Variants in MGAT5 observed in about 807,000 individuals in gnomAD.
MGAT5 encodes the protein alpha-1,6-mannosylglycoprotein 6-beta-N-acetylglucosaminyltransferase.
Under a neutral mutation model 94.3 loss-of-function variants are expected in MGAT5, and 30 were observed. The observed-to-expected ratio is 0.32, with a 90% CI of 0.24 to 0.43. MGAT5 has a LOEUF of 0.43. MGAT5 is among the 20% of genes least tolerant of loss of function. The pLI is 1.00. For synonymous variants in MGAT5, 310 were observed against 322.9 expected, an observed-to-expected ratio of 0.96 and a Z score of 0.43; for missense variants, 691 against 905.5, an observed-to-expected ratio of 0.76 and a Z score of 3.04.
intron 1 of MGAT5, among the ~76,000 whole-genome samples, chr2:134,130,565 G>T (rs1206944856): frequency 1.3e-5 from 2 of 151,716 alleles, no homozygotes; most frequent in Admixed American, 1.3e-4. Flanking sequence ...GGGGTTTGTG[G>T]ATGCACCAAT....
At chr2:134,152,938 C>G (rs933734183) in intron 1 of MGAT5, among the ~76,000 whole-genome samples, 1 of 137,444 alleles carries the variant, frequency 7.3e-6, no homozygotes, top group Admixed American at 7.8e-5. Flanking sequence ...GAATCTCACT[C>G]TGTCGCCCAG....
chr2:134,381,183 G>A (rs190127478), intron 10 of MGAT5, among the ~76,000 whole-genome samples: 4 of 152,212 alleles, frequency 2.6e-5, no homozygotes, highest in Non-Finnish European at 4.4e-5. Context: ...GTATGGTGGT[G>A]TGTTCCTTCA....
At chr2:134,347,682 G>A (rs913171969) in intron 8 of MGAT5, among the ~76,000 whole-genome samples, 10 of 152,146 alleles carry the variant, frequency 6.6e-5, no homozygotes, top group African/African-American at 1.9e-4. Context: ...GAGGATGTGC[G>A]TAGGTTATGT....
chr2:134,285,681 G>T (rs528954183), intron 2 of MGAT5, among the ~76,000 whole-genome samples: 1 of 152,150 alleles, frequency 6.6e-6, no homozygotes, highest in South Asian at 2.1e-4. Flanking sequence ...TCTAACTCTT[G>T]TTTCTTCCAG....
intron 2 of MGAT5, among the ~76,000 whole-genome samples, chr2:134,312,457 T>C (rs941692141): frequency 6.6e-6 from 1 of 152,174 alleles, no homozygotes; most frequent in Non-Finnish European, 1.5e-5. Context: ...GGTCAGTGAC[T>C]CCAAGTAAGG....
intron 1 of MGAT5, among the ~76,000 whole-genome samples, chr2:134,147,595 T>TAAAAAAA (rs58073087): frequency 1.8e-5 from 2 of 111,770 alleles, no homozygotes; most frequent in African/African-American, 5.5e-5. Context: ...ACAGAGTTAA[T>TAAAAAAA]AAAAAAAAAA....
intron 1 of MGAT5, among the ~76,000 whole-genome samples, chr2:134,166,004 T>A (rs1687950322): frequency 6.6e-6 from 1 of 152,206 alleles, no homozygotes; most frequent in Non-Finnish European, 1.5e-5. Context: ...AGGCTCCTAG[T>A]GTCTCGGCAC....
chr2:134,341,197 G>A (rs761579390), intron 6 of MGAT5, among the ~76,000 whole-genome samples: 22 of 152,122 alleles, frequency 1.4e-4, no homozygotes, highest in Non-Finnish European at 1.0e-4. Flanking sequence ...ATATTGTCAT[G>A]TTTGCCTTTC....
At chr2:134,258,396 T>C (rs984725812) in intron 1 of MGAT5, among the ~76,000 whole-genome samples, 47 of 152,366 alleles carry the variant, frequency 3.1e-4, no homozygotes, top group Admixed American at 2.1e-3. Context: ...CAGCAAACCA[T>C]GGCCTACGGG....
intron 2 of MGAT5, among the ~76,000 whole-genome samples, chr2:134,282,804 C>G (rs922680899): frequency 6.6e-6 from 1 of 152,146 alleles, no homozygotes; most frequent in Non-Finnish European, 1.5e-5. Context: ...AAGAAAGCCT[C>G]TCTGAAGAAG....
At chr2:134,292,311 ACT>A (rs557388700) in intron 2 of MGAT5, among the ~76,000 whole-genome samples, 148 of 152,022 alleles carry the variant, frequency 9.7e-4, no homozygotes, top group Non-Finnish European at 1.6e-3. Context: ...CTCAGTGCTG[ACT>A]CTGCTTCACA....
At chr2:134,277,031 A>G (rs1440983606) in intron 2 of MGAT5, among the ~76,000 whole-genome samples, 1 of 152,206 alleles carries the variant, frequency 6.6e-6, no homozygotes, top group Non-Finnish European at 1.5e-5. Flanking sequence ...TGTAGCCACA[A>G]GCCATTTGTT....
intron 1 of MGAT5, among the ~76,000 whole-genome samples, chr2:134,170,720 ACAGTC>A (rs1688162057): frequency 6.6e-6 from 1 of 152,112 alleles, no homozygotes; most frequent in South Asian, 2.1e-4. Flanking sequence ...TTCTGCTCAT[ACAGTC>A]CATGAACATC....
chr2:134,444,831 A>G (rs1574116676), intron 15 of MGAT5, among the ~76,000 whole-genome samples: 1 of 152,326 alleles, frequency 6.6e-6, no homozygotes, highest in East Asian at 1.9e-4. Flanking sequence ...GTTCTTGTGC[A>G]TGCAGGGTGC....
chr2:134,446,116 C>T (rs893689047), intron 15 of MGAT5, among the ~76,000 whole-genome samples: 2 of 152,090 alleles, frequency 1.3e-5, no homozygotes, highest in African/African-American at 4.8e-5. Context: ...TCGGGTCTCA[C>T]CTGTGGCCTG....
chr2:134,376,715 GGCCAAT>G (rs1379545914), intron 10 of MGAT5, among the ~76,000 whole-genome samples: 1 of 152,194 alleles, frequency 6.6e-6, no homozygotes, highest in Non-Finnish European at 1.5e-5. Flanking sequence ...GAAACTAGCA[GGCCAAT>G]CTTTATTTCT....
chr2:134,388,629 T>C (rs528934058), intron 10 of MGAT5, among the ~76,000 whole-genome samples: 1 of 152,232 alleles, frequency 6.6e-6, no homozygotes. Flanking sequence ...TTATTTGTTA[T>C]ACCAGGTTAT....
chr2:134,407,113 G>A (rs114216338), intron 11 of MGAT5, among the ~76,000 whole-genome samples: 2,961 of 152,150 alleles, frequency 0.019, 38 homozygotes, highest in Middle Eastern at 0.15. Flanking sequence ...TATACCCTGC[G>A]CCTAGATCTC....
chr2:134,234,931 G>A (rs890894734), intron 1 of MGAT5, among the ~76,000 whole-genome samples: 6 of 152,168 alleles, frequency 3.9e-5, no homozygotes, highest in Non-Finnish European at 7.3e-5. Flanking sequence ...CCAGCTTCAA[G>A]TGCTTAGGGT....
Sources: allele counts gnomAD v4.1 joint callset (sites outside exome capture counted in the v4.1 genomes callset), GRCh38; gene constraint gnomAD v4.1.1; transcripts MANE v1.5; gene names NCBI Gene and HGNC (gene_info 2026-07-23, HGNC 2026-07-21).